The following C1orf87 variants were observed in gnomAD, a reference collection of about 807,000 sequenced individuals.
The protein encoded by C1orf87 is chromosome 1 open reading frame 87.
A neutral mutation model predicts 60.5 loss-of-function variants in C1orf87; 58 were observed. That is an observed-to-expected ratio of 0.96 (90% CI 0.78 to 1.19). C1orf87 has a LOEUF of 1.19. C1orf87 is among the 50% of genes most tolerant of loss of function. The pLI, the probability that C1orf87 is intolerant of heterozygous loss-of-function variation, is 0.00. For synonymous variants in C1orf87, 236 were observed against 227.4 expected (o/e 1.04, Z -0.34); for missense variants, 673 against 638.6 (o/e 1.05, Z -0.58).
chr1:60,066,619 C>G (rs1645547936), intron 2 of C1orf87, among the ~76,000 whole-genome samples: 1 of 152,120 alleles, frequency 6.6e-6, no homozygotes, highest in African/African-American at 2.4e-5. Context: ...GGGTTGGAAT[C>G]AACTTATTCC....
At chr1:60,027,090 T>G (rs75385494) in intron 7 of C1orf87, among the ~76,000 whole-genome samples, 4,699 of 152,268 alleles carry the variant, frequency 0.031, 105 homozygotes, top group Non-Finnish European at 0.045. Flanking sequence ...TTAGTCACTG[T>G]TACTATTTTT....
At position 60,018,087 on chromosome 1, in the gene C1orf87, T is replaced by A. The variant is rs193017749; in HGVS notation, c.1127+7314A>T. Reference sequence around the variant, plus strand: ...TCCTGCTAATTAGCAAGCAGCCACATTCCAAATGGGTTCCCAATTGAACAG... The same window carrying A: ...TCCTGCTAATTAGCAAGCAGCCACAATCCAAATGGGTTCCCAATTGAACAG... On this transcript the variant is annotated intron_variant, in intron 8 of 11. Coordinates refer to ENST00000371201, the MANE Select transcript of C1orf87 (RefSeq NM_152377.3). 7.8e-4 allele frequency among the ~76,000 whole-genome samples: 119 copies of A among 152,298 alleles called. 1 individual carries two copies. Among genetic ancestry groups the A allele is most frequent in the African/African-American group, 2.6e-3 (109 of 41,578 alleles).
At chr1:59,990,905 G>A (rs1265345252) in intron 11 of C1orf87, 72 bp from the exon 12 acceptor site, 6 of 1,442,590 alleles carry the variant, frequency 4.2e-6, no homozygotes, top group Non-Finnish European at 4.7e-6. Context: ...CTATATATTA[G>A]CTTGAATGAC....
chr1:60,008,749 A>G (rs1409156074), intron 9 of C1orf87: 1 of 451,262 alleles, frequency 2.2e-6, no homozygotes, highest in East Asian at 7.1e-5. Context: ...CATCACTTCA[A>G]TGGTCTCCTC....
chr1:59,996,997 T>A (rs1189507867), intron 11 of C1orf87, among the ~76,000 whole-genome samples: 1 of 152,176 alleles, frequency 6.6e-6, no homozygotes, highest in Middle Eastern at 3.2e-3. Context: ...TTGGCCTAGA[T>A]CTGTCTGGGA....
At chr1:60,018,489 C>T (rs116063719) in intron 8 of C1orf87, among the ~76,000 whole-genome samples, 3,876 of 152,038 alleles carry the variant, frequency 0.025, 78 homozygotes, top group Middle Eastern at 0.041. Flanking sequence ...CTCATATTCC[C>T]GATTCTCAGA....
chr1:60,066,234 A>G (rs185726455), intron 2 of C1orf87, among the ~76,000 whole-genome samples: 113 of 152,290 alleles, frequency 7.4e-4, no homozygotes, highest in African/African-American at 2.6e-3. Context: ...TCATTTTACA[A>G]AAGATTTCTC....
intron 2 of C1orf87, among the ~76,000 whole-genome samples, chr1:60,060,611 AAG>A (rs1645490285): frequency 6.6e-6 from 1 of 152,186 alleles, no homozygotes; most frequent in Admixed American, 6.5e-5. Flanking sequence ...AATAGATAAA[AAG>A]AGAGATAATT....
intron 10 of C1orf87, among the ~76,000 whole-genome samples, chr1:59,998,407 G>T (rs1644978673): frequency 6.6e-6 from 1 of 152,166 alleles, no homozygotes; most frequent in African/African-American, 2.4e-5. Flanking sequence ...AGGGCATAAA[G>T]GCTAGCTCAT....
chr1:60,030,765 C>T (rs1645232278), intron 7 of C1orf87, among the ~76,000 whole-genome samples: 1 of 152,172 alleles, frequency 6.6e-6, no homozygotes, highest in Admixed American at 6.5e-5. Flanking sequence ...GAATGTGTAT[C>T]CACATTGCCT....
intron 11 of C1orf87, among the ~76,000 whole-genome samples, chr1:59,996,764 A>G (rs1032295960): frequency 4.6e-5 from 7 of 152,174 alleles, no homozygotes; most frequent in African/African-American, 1.7e-4. Context: ...CTGAATGCCC[A>G]CAGAGCATAC....
At chr1:60,060,704 A>G (rs780646697) in intron 2 of C1orf87, among the ~76,000 whole-genome samples, 9 of 152,164 alleles carry the variant, frequency 5.9e-5, no homozygotes, top group Non-Finnish European at 8.8e-5. Context: ...TTTAAAAAAC[A>G]AAGATTAATT....
chr1:60,048,984 T>C (rs1474460898), intron 3 of C1orf87, among the ~76,000 whole-genome samples: 1 of 152,108 alleles, frequency 6.6e-6, no homozygotes, highest in Admixed American at 6.5e-5. Context: ...CAGTTCATTG[T>C]CTATGGAAAT....
At chr1:60,038,219 C>A in intron 5 of C1orf87, 112 bp from the exon 6 acceptor site, 1 of 522,736 alleles carries the variant, frequency 1.9e-6, no homozygotes, top group East Asian at 2.9e-5. Flanking sequence ...TTTAAAAAAA[C>A]ACTTAAAAAT....
intron 7 of C1orf87, among the ~76,000 whole-genome samples, chr1:60,028,534 G>T (rs1645215247): frequency 6.6e-6 from 1 of 152,058 alleles, no homozygotes; most frequent in South Asian, 2.1e-4. Context: ...TGTTTAATAA[G>T]GAAATGTTTT....
At chr1:60,023,882 T>A (rs541585592) in intron 8 of C1orf87, among the ~76,000 whole-genome samples, 1 of 152,194 alleles carries the variant, frequency 6.6e-6, no homozygotes, top group Admixed American at 6.5e-5. Context: ...TGTCTCTCTG[T>A]TGTGAATTGT....
chr1:60,041,572 G>A (rs995283512), intron 3 of C1orf87, among the ~76,000 whole-genome samples: 4 of 152,180 alleles, frequency 2.6e-5, no homozygotes, highest in African/African-American at 9.7e-5. Context: ...TAGGAGTAAT[G>A]TCACTAAAAG....
intron 11 of C1orf87, among the ~76,000 whole-genome samples, chr1:59,994,971 T>G (rs1197510251): frequency 6.6e-6 from 1 of 152,190 alleles, no homozygotes; most frequent in Admixed American, 6.6e-5. Flanking sequence ...GTTGTAGATT[T>G]TCCCAGATCT....
chr1:60,008,598 G>A (rs1645061959), intron 9 of C1orf87: 1 of 406,656 alleles, frequency 2.5e-6, no homozygotes, highest in Non-Finnish European at 4.9e-6. Flanking sequence ...GAGACACCAG[G>A]GATGCACACA....
Sources: allele counts gnomAD v4.1 joint callset (sites outside exome capture counted in the v4.1 genomes callset), GRCh38; gene constraint gnomAD v4.1.1; transcripts MANE v1.5; gene names NCBI Gene and HGNC (gene_info 2026-07-23, HGNC 2026-07-21).